The following GPC6 variants were observed in gnomAD, a reference collection of about 807,000 sequenced individuals.
GPC6 encodes glypican 6.
A neutral mutation model predicts 55.2 loss-of-function variants in GPC6; 14 were observed. That is an observed-to-expected ratio of 0.25 (90% CI 0.17 to 0.40). The LOEUF (loss-of-function observed/expected upper bound fraction) is 0.40, where lower values mean the gene tolerates loss of function less well. GPC6 is among the 10% of genes least tolerant of loss of function. GPC6 has a pLI of 1.00. For missense variants in GPC6, 641 were observed against 708.5 expected (o/e 0.90, Z 1.08); for synonymous variants, 278 against 259.6 (o/e 1.07, Z -0.68).
chr13:93,993,265 G>C (rs1345952466), intron 3 of GPC6, among the ~76,000 whole-genome samples: 2 of 151,350 alleles, frequency 1.3e-5, no homozygotes, highest in Non-Finnish European at 2.9e-5. Context: ...GTAATTAAAA[G>C]CAATTCTAAT....
chr13:93,716,570 C>T (rs541668779), intron 2 of GPC6, among the ~76,000 whole-genome samples: 18 of 151,648 alleles, frequency 1.2e-4, no homozygotes, highest in Admixed American at 5.9e-4. Flanking sequence ...TATTTTTGTA[C>T]AGCTGTACAA....
chr13:93,622,226 G>T (rs1220127958), intron 2 of GPC6, among the ~76,000 whole-genome samples: 1 of 152,150 alleles, frequency 6.6e-6, no homozygotes, highest in Non-Finnish European at 1.5e-5. Flanking sequence ...AGTTGCTAAT[G>T]CTCATTGAGA....
intron 4 of GPC6, among the ~76,000 whole-genome samples, chr13:94,273,837 A>G (rs929028688): frequency 6.6e-6 from 1 of 152,210 alleles, no homozygotes; most frequent in Non-Finnish European, 1.5e-5. Flanking sequence ...CTTAAATTCT[A>G]TGACTCATCT....
chr13:93,350,259 AC>A (rs1320083003), intron 1 of GPC6, among the ~76,000 whole-genome samples: 2 of 151,942 alleles, frequency 1.3e-5, no homozygotes, highest in African/African-American at 4.8e-5. Flanking sequence ...ATATGGTGAA[AC>A]CCCATCTCTA....
chr13:93,794,939 G>A (rs1886152956), intron 2 of GPC6, among the ~76,000 whole-genome samples: 1 of 152,116 alleles, frequency 6.6e-6, no homozygotes, highest in Non-Finnish European at 1.5e-5. Flanking sequence ...TTTTCCATCA[G>A]CCCCCTGAGA....
chr13:93,601,677 G>C (rs974376491), intron 2 of GPC6, among the ~76,000 whole-genome samples: 1 of 152,140 alleles, frequency 6.6e-6, no homozygotes, highest in Non-Finnish European at 1.5e-5. Context: ...GTTTCATTGA[G>C]TACCTACCAT....
chr13:93,359,838 C>T (rs957795323), intron 1 of GPC6, among the ~76,000 whole-genome samples: 1 of 151,992 alleles, frequency 6.6e-6, no homozygotes, highest in African/African-American at 2.4e-5. Flanking sequence ...ATAATCTGAA[C>T]ATTTTTTTTA....
chr13:93,434,746 C>T (rs919929577), intron 1 of GPC6, among the ~76,000 whole-genome samples: 14 of 152,128 alleles, frequency 9.2e-5, no homozygotes, highest in African/African-American at 2.7e-4. Context: ...CTCGTTCTGT[C>T]GCCAGGCTGG....
At chr13:93,737,866 C>G (rs911493056) in intron 2 of GPC6, among the ~76,000 whole-genome samples, 2 of 151,926 alleles carry the variant, frequency 1.3e-5, no homozygotes, top group Admixed American at 1.3e-4. Context: ...TTTCTAAGAT[C>G]AGCTTTTCCT....
intron 4 of GPC6, among the ~76,000 whole-genome samples, chr13:94,143,276 G>A (rs908382460): frequency 6.6e-6 from 1 of 151,936 alleles, no homozygotes; most frequent in African/African-American, 2.4e-5. Flanking sequence ...ATTTTTCGTT[G>A]GACTTTTTAT....
In GPC6 at chr13:94,329,372, C is replaced by G. The variant is rs534742004; in HGVS notation, c.1152+23249C>G. On this transcript the variant is annotated intron_variant, in intron 6 of 8. Coordinates refer to ENST00000377047, the MANE Select transcript of GPC6 (RefSeq NM_005708.5). Reference sequence around the variant, plus strand: ...CCTGGGCCCCTCACATCTTCCACCTCGAAGGATGTCGTTCCCAGCAGCAGA... The same window carrying G: ...CCTGGGCCCCTCACATCTTCCACCTGGAAGGATGTCGTTCCCAGCAGCAGA... 2.6e-5 allele frequency among the ~76,000 whole-genome samples: 4 copies of G among 152,304 alleles called. No homozygotes were observed. In the South Asian group the frequency reaches 6.2e-4, roughly 24 times the overall value.
rs77915325 is a variant in GPC6, at chr13:93,660,216, C to T, written c.319+114795C>T. 6.0e-3 allele frequency among the ~76,000 whole-genome samples: 918 copies of T among 152,154 alleles called. 8 individuals are homozygous for T. Among genetic ancestry groups the T allele is most frequent in the African/African-American group, 0.02 (848 of 41,538 alleles). The stretch of plus-strand genomic sequence containing the variant: ...CAGTTAAAAATTCTCATTTCCAAGA[C>T]AATTTAGGAAGTAAAATAGAGCTTT... On this transcript the variant is annotated intron_variant, in intron 2 of 8. Coordinates refer to ENST00000377047, the MANE Select transcript of GPC6 (RefSeq NM_005708.5).
At chr13:94,091,051 T>C (rs777368257) in intron 4 of GPC6, among the ~76,000 whole-genome samples, 1 of 152,178 alleles carries the variant, frequency 6.6e-6, no homozygotes, top group Non-Finnish European at 1.5e-5. Flanking sequence ...TGTGTTTCTA[T>C]CATTTCATCA....
chr13:93,902,362 C>G (rs1395509696), intron 3 of GPC6, among the ~76,000 whole-genome samples: 6 of 152,112 alleles, frequency 3.9e-5, no homozygotes, highest in African/African-American at 1.2e-4. Flanking sequence ...AGTTCATCCA[C>G]CTTTCTGTAG....
At chr13:93,340,779 A>G (rs1452492448) in intron 1 of GPC6, among the ~76,000 whole-genome samples, 2 of 145,034 alleles carry the variant, frequency 1.4e-5, no homozygotes, top group Admixed American at 1.3e-4. Flanking sequence ...CATCGTGAAG[A>G]TTTATTTTTA....
chr13:93,969,869 C>T (rs1350295678), intron 3 of GPC6, among the ~76,000 whole-genome samples: 3 of 152,098 alleles, frequency 2.0e-5, no homozygotes, highest in African/African-American at 7.2e-5. Flanking sequence ...TAATGGCCTC[C>T]AGTTCCATCC....
intron 3 of GPC6, among the ~76,000 whole-genome samples, chr13:93,903,112 T>G (rs531948122): frequency 6.6e-6 from 1 of 152,308 alleles, no homozygotes; most frequent in Admixed American, 6.5e-5. Flanking sequence ...ACAATAAAAC[T>G]ACCAGAAGAA....
intron 2 of GPC6, among the ~76,000 whole-genome samples, chr13:93,552,250 T>G (rs1875198467): frequency 6.6e-6 from 1 of 152,182 alleles, no homozygotes; most frequent in Non-Finnish European, 1.5e-5. Flanking sequence ...GGGCAGATCT[T>G]CCAAAAATAA....
intron 2 of GPC6, among the ~76,000 whole-genome samples, chr13:93,767,756 G>A (rs6492678): frequency 0.99 from 150,625 of 152,246 alleles, 74,512 homozygotes; most frequent in East Asian, 1. Context: ...TAGCTGTACC[G>A]TCTGGCCGGC....
Sources: gnomAD v4.1 joint callset for allele counts (sites outside exome capture counted in the v4.1 genomes callset) on GRCh38, gnomAD v4.1.1 for gene constraint, MANE v1.5 for transcripts, NCBI Gene and HGNC (gene_info 2026-07-23, HGNC 2026-07-21) for gene names.